The following GRIP1 variants were observed in gnomAD, a reference collection of about 807,000 sequenced individuals.
GRIP1 encodes the protein glutamate receptor-interacting protein 1.
In GRIP1, 45 loss-of-function variants were observed where a neutral mutation model predicts 129.9. The observed-to-expected ratio is 0.35, with a 90% confidence interval of 0.27 to 0.44. The LOEUF (loss-of-function observed/expected upper bound fraction) is 0.44, where lower values mean the gene tolerates loss of function less well. Ranked by LOEUF, GRIP1 falls within the 20% of genes least tolerant of loss-of-function variation. The probability of loss-of-function intolerance (pLI) is 1.00; values close to 1 mark genes in which losing one functional copy is unlikely to be tolerated. For missense variants in GRIP1, 1,196 were observed against 1,396.8 expected (o/e 0.86, Z 2.29); for synonymous variants, 530 against 520.8 (o/e 1.02, Z -0.24).
intron 1 of GRIP1, among the ~76,000 whole-genome samples, chr12:66,758,839 C>CG (rs1185074855): frequency 2.0e-5 from 3 of 152,164 alleles, no homozygotes; most frequent in Admixed American, 6.5e-5. Context: ...CATGCTAATG[C>CG]AAGAGGCAGG....
intron 1 of GRIP1, among the ~76,000 whole-genome samples, chr12:66,874,300 G>A (rs1008884802): frequency 2.6e-5 from 4 of 152,016 alleles, no homozygotes; most frequent in Non-Finnish European, 5.9e-5. Context: ...TGCACAACAA[G>A]TGTCTGTTGA....
chr12:66,655,319 A>G (rs1159833497), intron 1 of GRIP1, among the ~76,000 whole-genome samples: 2 of 152,206 alleles, frequency 1.3e-5, no homozygotes, highest in Non-Finnish European at 2.9e-5. Flanking sequence ...TTTGTTTTAA[A>G]GACTTTTTTA....
chr12:66,584,202 G>A (rs1204808207), intron 2 of GRIP1, among the ~76,000 whole-genome samples: 1 of 142,422 alleles, frequency 7.0e-6, no homozygotes, highest in Non-Finnish European at 1.5e-5. Flanking sequence ...GGTGGGAATT[G>A]AACAATGAGA....
At chr12:66,505,026 C>T (rs1480538761) in intron 7 of GRIP1, among the ~76,000 whole-genome samples, 2 of 152,096 alleles carry the variant, frequency 1.3e-5, no homozygotes, top group African/African-American at 2.4e-5. Context: ...CTGAATTTAT[C>T]CCCCAAAGAT....
intron 1 of GRIP1, among the ~76,000 whole-genome samples, chr12:67,060,824 C>CAAAA (rs11300344): frequency 1.2e-4 from 13 of 104,778 alleles, no homozygotes; most frequent in African/African-American, 2.1e-4. Flanking sequence ...AACTCCGTCT[C>CAAAA]AAAAAAAAAA....
chr12:66,889,285 C>T (rs919687554), intron 1 of GRIP1, among the ~76,000 whole-genome samples: 1 of 152,140 alleles, frequency 6.6e-6, no homozygotes, highest in South Asian at 2.1e-4. Context: ...CATAGTGAAA[C>T]CCCATCTCTA....
At chr12:66,911,456 C>A (rs1472112122) in intron 1 of GRIP1, among the ~76,000 whole-genome samples, 1 of 152,118 alleles carries the variant, frequency 6.6e-6, no homozygotes, top group Non-Finnish European at 1.5e-5. Context: ...CTTCTCCTGG[C>A]ATTCTACTCT....
chr12:66,481,628 A>G (rs2059808364), intron 7 of GRIP1, among the ~76,000 whole-genome samples: 2 of 152,204 alleles, frequency 1.3e-5, no homozygotes. Flanking sequence ...AAATCATTCT[A>G]CTATAGAGAC....
chr12:66,507,754 C>CCTTTCTTT (rs145153553), intron 7 of GRIP1, among the ~76,000 whole-genome samples: 2,115 of 150,752 alleles, frequency 0.014, 26 homozygotes, highest in Admixed American at 0.029. Context: ...ATAGGGCATT[C>CCTTTCTTT]CTTTCTTTCT....
intron 2 of GRIP1, among the ~76,000 whole-genome samples, chr12:66,572,434 C>T (rs1431456092): frequency 1.3e-5 from 2 of 152,146 alleles, no homozygotes; most frequent in Admixed American, 6.5e-5. Context: ...ACCCCACCCC[C>T]AAGCATGGCT....
chr12:66,778,235 T>G (rs1369655800), intron 1 of GRIP1, among the ~76,000 whole-genome samples: 1 of 152,106 alleles, frequency 6.6e-6, no homozygotes, highest in East Asian at 1.9e-4. Flanking sequence ...ATATTTCTAT[T>G]GAACAATAAA....
rs546010565 is a variant in GRIP1 at position 66,355,682 on chromosome 12, G to A, written c.3013-2119C>T. Among the ~76,000 whole-genome samples the A allele has an allele frequency of 4.6e-3, 694 of 152,266 alleles. 3 individuals are homozygous for A. Among genetic ancestry groups the A allele is most frequent in the Non-Finnish European group, 7.8e-3 (528 of 68,024 alleles). ...AGCAATACTCACCAGGGGGAGAGGG[G>A]AAGACTTTGCTGGTGGCCTGGGCTT... On this transcript the variant is annotated intron_variant, in intron 23 of 24. Transcript: ENST00000359742.
At chr12:66,753,246 A>G (rs1211054731) in intron 1 of GRIP1, among the ~76,000 whole-genome samples, 1 of 152,202 alleles carries the variant, frequency 6.6e-6, no homozygotes, top group Non-Finnish European at 1.5e-5. Context: ...ATTTGGGCAT[A>G]TGGCTAAAAT....
At chr12:66,526,775 A>G (rs149479088) in intron 5 of GRIP1, among the ~76,000 whole-genome samples, 21,129 of 151,984 alleles carry the variant, frequency 0.14, 1,643 homozygotes, top group South Asian at 0.24. Context: ...TTTGCAATCT[A>G]CTCATCTGAC....
chr12:67,058,864 C>T (rs2043481579), intron 1 of GRIP1, among the ~76,000 whole-genome samples: 2 of 152,090 alleles, frequency 1.3e-5, no homozygotes, highest in Admixed American at 1.3e-4. Context: ...AAACTTAAAC[C>T]ACTTCAGATA....
intron 1 of GRIP1, among the ~76,000 whole-genome samples, chr12:66,685,939 C>T (rs993881884): frequency 6.6e-6 from 1 of 152,082 alleles, no homozygotes; most frequent in Non-Finnish European, 1.5e-5. Context: ...TAGCACATAG[C>T]GCCAATGTTC....
At chr12:66,447,460 A>C (rs917282683) in intron 11 of GRIP1, among the ~76,000 whole-genome samples, 1 of 152,186 alleles carries the variant, frequency 6.6e-6, no homozygotes, top group African/African-American at 2.4e-5. Flanking sequence ...TTTCTACCCT[A>C]AATCATGGTC....
At chr12:66,726,179 T>C (rs1236325707) in intron 1 of GRIP1, among the ~76,000 whole-genome samples, 1 of 152,010 alleles carries the variant, frequency 6.6e-6, no homozygotes, top group Non-Finnish European at 1.5e-5. Flanking sequence ...GAAAAATAAA[T>C]TAATGTAATA....
chr12:66,681,654 A>C (rs1430339741), upstream of GRIP1, among the ~76,000 whole-genome samples: 1 of 152,162 alleles, frequency 6.6e-6, no homozygotes, highest in Admixed American at 6.6e-5. Flanking sequence ...AGGGTCACCA[A>C]GTAGGGGTTA....
Sources: gnomAD v4.1 joint callset for allele counts (sites outside exome capture counted in the v4.1 genomes callset) on GRCh38, gnomAD v4.1.1 for gene constraint, MANE v1.5 for transcripts, NCBI Gene and HGNC (gene_info 2026-07-23, HGNC 2026-07-21) for gene names.